Variants in CEP128 observed in about 807,000 individuals in gnomAD.
CEP128 encodes centrosomal protein 128kDa.
Under a neutral mutation model 156.7 loss-of-function variants are expected in CEP128, and 132 were observed. That is an observed-to-expected ratio of 0.84 (90% CI 0.73 to 0.97). The LOEUF (loss-of-function observed/expected upper bound fraction) is 0.97. Among genes scored for constraint, CEP128 ranks in the 50% least tolerant of loss-of-function variants. The pLI, the probability that CEP128 is intolerant of heterozygous loss-of-function variation, is 0.00. For missense variants in CEP128, 1,252 were observed against 1,281.9 expected, an observed-to-expected ratio of 0.98 and a Z score of 0.36; for synonymous variants, 469 against 448.9, an observed-to-expected ratio of 1.04 and a Z score of -0.57.
At position 80,584,928 on chromosome 14, in the gene CEP128, C is replaced by T. The variant is rs750171206; in HGVS notation, c.2807-4505G>A. Reference sequence around the variant, plus strand: ...CTCCCTTGCTCACCACTGACATGTTCGTGTTTTCTTTTATTACTCTCTGGT... The same window carrying T: ...CTCCCTTGCTCACCACTGACATGTTTGTGTTTTCTTTTATTACTCTCTGGT... On this transcript the variant is annotated intron_variant, in intron 19 of 24. Transcript: ENST00000555265. 5.3e-5 allele frequency among the ~76,000 whole-genome samples: 8 copies of T among 152,178 alleles called. No homozygotes were observed. The East Asian group carries it at 1.3e-3, about 26-fold the overall frequency.
At chr14:80,764,845 A>G (rs1465440209) in intron 16 of CEP128, among the ~76,000 whole-genome samples, 2 of 152,204 alleles carry the variant, frequency 1.3e-5, no homozygotes, top group Non-Finnish European at 2.9e-5. Context: ...CTAAACTTCC[A>G]GGTAAAGATT....
intron 21 of CEP128, among the ~76,000 whole-genome samples, chr14:80,557,945 C>T (rs1414428310): frequency 6.6e-6 from 1 of 151,964 alleles, no homozygotes; most frequent in African/African-American, 2.4e-5. Flanking sequence ...TTTTATCACT[C>T]TTTATATATC....
At chr14:80,855,161 T>A (rs1047253691) in intron 9 of CEP128, among the ~76,000 whole-genome samples, 1 of 152,160 alleles carries the variant, frequency 6.6e-6, no homozygotes. Context: ...AAGTAGTACA[T>A]GTGTGGTTGT....
chr14:80,510,023 T>C (rs1363184488), intron 23 of CEP128, among the ~76,000 whole-genome samples: 3 of 152,332 alleles, frequency 2.0e-5, no homozygotes, highest in South Asian at 2.1e-4. Context: ...TTGGTTACTA[T>C]AGCTCTGTAG....
At chr14:80,671,832 A>G (rs1374681057) in intron 19 of CEP128, among the ~76,000 whole-genome samples, 2 of 121,516 alleles carry the variant, frequency 1.6e-5, no homozygotes, top group Non-Finnish European at 3.2e-5. Context: ...GTCTATATAT[A>G]GTAAACTGTT....
intron 13 of CEP128, among the ~76,000 whole-genome samples, chr14:80,811,145 T>G (rs936105348): frequency 3.3e-5 from 5 of 152,222 alleles, no homozygotes; most frequent in African/African-American, 1.2e-4. Flanking sequence ...TGCATCATAT[T>G]CCATGGTATA....
intron 8 of CEP128, among the ~76,000 whole-genome samples, chr14:80,873,051 T>C (rs913817077): frequency 3.3e-5 from 5 of 152,176 alleles, no homozygotes; most frequent in Non-Finnish European, 7.3e-5. Flanking sequence ...ACATCACAAC[T>C]TGATGTAAGG....
At chr14:80,900,130 A>T (rs1386381365) in intron 6 of CEP128, 101 bp from the exon 7 acceptor site, 2 of 693,554 alleles carry the variant, frequency 2.9e-6, no homozygotes, top group Non-Finnish European at 2.4e-6. Context: ...TGCAATAATA[A>T]CCAGATTCCG....
intron 19 of CEP128, among the ~76,000 whole-genome samples, chr14:80,708,518 C>T (rs1897298670): frequency 6.6e-6 from 1 of 151,564 alleles, no homozygotes; most frequent in Non-Finnish European, 1.5e-5. Context: ...TATTATTATA[C>T]TTTAAGTTTT....
At chr14:80,903,159 T>G (rs983278879) in intron 6 of CEP128, among the ~76,000 whole-genome samples, 9 of 151,888 alleles carry the variant, frequency 5.9e-5, no homozygotes, top group African/African-American at 9.7e-5. Context: ...AAAAAACAGA[T>G]GCATCAATCT....
At chr14:80,619,010 T>A (rs1192710606) in intron 19 of CEP128, among the ~76,000 whole-genome samples, 25 of 152,150 alleles carry the variant, frequency 1.6e-4, no homozygotes, top group Admixed American at 1.6e-3. Context: ...AAGAAACACA[T>A]TTCTGACAAG....
In CEP128 at chr14:80,831,123, C is replaced by T; in HGVS notation, c.1209+20G>A. 6.2e-7 allele frequency: 1 copy of T among 1,610,914 alleles called. No homozygotes were observed. The highest frequency in any genetic ancestry group is 1.7e-4 in the Middle Eastern group (1 of 6,058). ...TAAAATTAAAATATTTCGAATATGA[C>T]TTAAAAAGAGCAAAGTCACCTCTAC... On this transcript the variant is annotated intron_variant, in intron 13 of 24. Transcript: ENST00000555265.
intron 19 of CEP128, among the ~76,000 whole-genome samples, chr14:80,626,558 T>C (rs1893737666): frequency 6.7e-6 from 1 of 148,528 alleles, no homozygotes; most frequent in Non-Finnish European, 1.5e-5. Context: ...GAAGCAGAGA[T>C]TGGAGTGAGA....
chr14:80,953,400 A>G (rs747780301), intron 2 of CEP128, among the ~76,000 whole-genome samples: 7 of 152,166 alleles, frequency 4.6e-5, no homozygotes, highest in Non-Finnish European at 2.9e-5. Context: ...CCTGGCCAAC[A>G]TGGTGAAACC....
intron 24 of CEP128, among the ~76,000 whole-genome samples, chr14:80,498,148 A>G (rs1409903698): frequency 6.6e-6 from 1 of 152,098 alleles, no homozygotes. Flanking sequence ...CCGTCTGCCC[A>G]GTTTCTCAAA....
At chr14:80,863,433 T>C (rs1190183047) in intron 8 of CEP128, among the ~76,000 whole-genome samples, 1 of 152,138 alleles carries the variant, frequency 6.6e-6, no homozygotes, top group Non-Finnish European at 1.5e-5. Context: ...AAAGTCAAAC[T>C]GAAAATGTTT....
At chr14:80,840,389 A>G (rs1344940838) in intron 10 of CEP128, among the ~76,000 whole-genome samples, 1 of 152,146 alleles carries the variant, frequency 6.6e-6, no homozygotes, top group Non-Finnish European at 1.5e-5. Flanking sequence ...GTCTTTTCTA[A>G]CCCTGCAACA....
intron 19 of CEP128, among the ~76,000 whole-genome samples, chr14:80,623,538 A>C (rs1284904845): frequency 6.6e-6 from 1 of 151,842 alleles, no homozygotes; most frequent in Admixed American, 6.6e-5. Flanking sequence ...TTCAGGTTTC[A>C]TCAGCTCTGG....
At chr14:80,613,852 A>C (rs957587772) in intron 19 of CEP128, among the ~76,000 whole-genome samples, 2 of 152,170 alleles carry the variant, frequency 1.3e-5, no homozygotes, top group Non-Finnish European at 2.9e-5. Flanking sequence ...TTCAGGAAAC[A>C]GAGTTCTTTA....
Sources: allele counts gnomAD v4.1 joint callset (sites outside exome capture counted in the v4.1 genomes callset), GRCh38; gene constraint gnomAD v4.1.1; transcripts MANE v1.5; gene names NCBI Gene and HGNC (gene_info 2026-07-23, HGNC 2026-07-21).